KCNH5: variants seen among roughly 807,000 people sequenced by gnomAD.
KCNH5 encodes voltage-gated delayed rectifier potassium channel KCNH5.
KCNH5 carries 46 observed loss-of-function variants against 96.1 expected under a neutral mutation model. The observed-to-expected ratio is 0.48, with a 90% confidence interval of 0.38 to 0.61. The LOEUF (loss-of-function observed/expected upper bound fraction) is 0.61. KCNH5 is among the 20% of genes least tolerant of loss of function. The pLI, the probability that KCNH5 is intolerant of heterozygous loss-of-function variation, is 0.00. For synonymous variants in KCNH5, 439 were observed against 449.8 expected, an observed-to-expected ratio of 0.98 and a Z score of 0.30; for missense variants, 907 against 1,225.8, an observed-to-expected ratio of 0.74 and a Z score of 3.88.
At chr14:63,011,225 G>A (rs1266916136) in intron 2 of KCNH5, among the ~76,000 whole-genome samples, 1 of 152,180 alleles carries the variant, frequency 6.6e-6, no homozygotes, top group Non-Finnish European at 1.5e-5. Context: ...GCTCACGCCT[G>A]TAATCCCAGC....
intron 8 of KCNH5, among the ~76,000 whole-genome samples, chr14:62,823,708 C>T (rs538209350): frequency 6.6e-6 from 1 of 152,156 alleles, no homozygotes; most frequent in East Asian, 1.9e-4. Flanking sequence ...GATAACATCA[C>T]ATAATTCTGC....
intron 7 of KCNH5, among the ~76,000 whole-genome samples, chr14:62,939,341 A>G (rs1282798310): frequency 1.3e-5 from 2 of 152,184 alleles, no homozygotes; most frequent in African/African-American, 4.8e-5. Context: ...TGCTGACTGC[A>G]CCGTACACTT....
chr14:62,710,047 T>G (rs76728400), intron 10 of KCNH5, among the ~76,000 whole-genome samples: 8,098 of 152,274 alleles, frequency 0.053, 229 homozygotes, highest in South Asian at 0.091. Context: ...TCTCATAAAA[T>G]ACTCCTATCT....
At chr14:62,848,074 C>G (rs1178259889) in intron 8 of KCNH5, among the ~76,000 whole-genome samples, 1 of 152,234 alleles carries the variant, frequency 6.6e-6, no homozygotes, top group Non-Finnish European at 1.5e-5. Context: ...GGCTCAGACT[C>G]TTTTCAAATA....
chr14:62,854,006 A>G (rs1307631663), intron 7 of KCNH5, among the ~76,000 whole-genome samples: 3 of 134,060 alleles, frequency 2.2e-5, no homozygotes, highest in Non-Finnish European at 4.7e-5. Flanking sequence ...GACTCTGTCA[A>G]AAAAAAAAAA....
intron 8 of KCNH5, among the ~76,000 whole-genome samples, chr14:62,838,779 T>C (rs79521013): frequency 6.6e-6 from 1 of 152,120 alleles, no homozygotes; most frequent in Non-Finnish European, 1.5e-5. Flanking sequence ...TACAGCCCAG[T>C]GTCTGTATCA....
chr14:62,934,480 C>A (rs774324475), intron 7 of KCNH5, among the ~76,000 whole-genome samples: 1 of 152,122 alleles, frequency 6.6e-6, no homozygotes, highest in African/African-American at 2.4e-5. Context: ...TCTTCTGTAT[C>A]CAATGAACAA....
chr14:62,902,865 G>A (rs576464147), intron 7 of KCNH5, among the ~76,000 whole-genome samples: 8 of 151,660 alleles, frequency 5.3e-5, no homozygotes, highest in South Asian at 2.1e-4. Context: ...GATTACAGGC[G>A]GTGCCACCAC....
intron 8 of KCNH5, among the ~76,000 whole-genome samples, chr14:62,828,536 G>T (rs112656958): frequency 4.6e-5 from 7 of 152,210 alleles, no homozygotes; most frequent in East Asian, 1.9e-4. Context: ...TCACATGGTG[G>T]CAGGCAAGTA....
At chr14:62,750,974 G>A (rs187708391) in intron 10 of KCNH5, among the ~76,000 whole-genome samples, 6 of 151,646 alleles carry the variant, frequency 4.0e-5, no homozygotes, top group East Asian at 1.9e-4. Flanking sequence ...AAATCCAGAC[G>A]GCTGGAGTAA....
At position 62,927,987 on chromosome 14, in the gene KCNH5, C is replaced by T. The variant is rs375313269; in HGVS notation, c.1369+22146G>A. Among the ~76,000 whole-genome samples, 154 of 152,160 alleles carry T rather than the reference C, an allele frequency of 1.0e-3. 3 individuals are homozygous for T. Among genetic ancestry groups the T allele is most frequent in the South Asian group, 7.7e-3 (37 of 4,814 alleles). ...GTTCTAGCCCCATCAGATTTCATCC[C>T]GACACTGTGAAGAACGTGCCAGAGA... On this transcript the variant is annotated intron_variant, in intron 7 of 10. Coordinates refer to ENST00000322893, the MANE Select transcript of KCNH5 (RefSeq NM_139318.5).
intron 10 of KCNH5, among the ~76,000 whole-genome samples, chr14:62,724,700 A>G (rs11158450): frequency 0.032 from 4,899 of 152,310 alleles, 137 homozygotes; most frequent in South Asian, 0.083. Context: ...GTGCTTCTAA[A>G]CATTGCTGGC....
In KCNH5 at chr14:62,732,904, G is replaced by A. The variant is rs117569339; in HGVS notation, c.2020-24449C>T. The stretch of plus-strand genomic sequence containing the variant: ...CTCTTTCTGTCTCTCTCTCTTTCTC[G>A]TTGCCTCCCCTCCTCTCTTCTATTC... On this transcript the variant is annotated intron_variant, in intron 10 of 10. Transcript: ENST00000322893. Among the ~76,000 whole-genome samples, 597 of 151,408 alleles carry A rather than the reference G, an allele frequency of 3.9e-3. 6 individuals carry two copies. Among genetic ancestry groups the A allele is most frequent in the Non-Finnish European group, 5.2e-3 (356 of 67,832 alleles).
At chr14:62,735,890 T>A (rs1230737978) in intron 10 of KCNH5, among the ~76,000 whole-genome samples, 1 of 152,114 alleles carries the variant, frequency 6.6e-6, no homozygotes, top group African/African-American at 2.4e-5. Context: ...AGACACATAG[T>A]GGGGAAATAG....
intron 9 of KCNH5, among the ~76,000 whole-genome samples, chr14:62,787,420 GA>G (rs1278165838): frequency 6.6e-6 from 1 of 152,146 alleles, no homozygotes; most frequent in Admixed American, 6.5e-5. Flanking sequence ...TAAAGTTTAG[GA>G]AAAGGAACCA....
intron 7 of KCNH5, among the ~76,000 whole-genome samples, chr14:62,909,246 C>T (rs1051476392): frequency 1.3e-5 from 2 of 150,930 alleles, no homozygotes; most frequent in Non-Finnish European, 1.5e-5. Context: ...GGGGTTTCAC[C>T]GTTTTAGCCG....
intron 7 of KCNH5, among the ~76,000 whole-genome samples, chr14:62,876,655 CA>C: frequency 6.6e-6 from 1 of 152,210 alleles, no homozygotes; most frequent in East Asian, 1.9e-4. Flanking sequence ...AAATCCTGGA[CA>C]ATAAAATCCA....
intron 10 of KCNH5, among the ~76,000 whole-genome samples, chr14:62,739,832 A>T (rs576327277): frequency 6.0e-4 from 91 of 152,308 alleles, no homozygotes; most frequent in Non-Finnish European, 1.0e-3. Flanking sequence ...AGTTTGCTGC[A>T]TATCTCAAGG....
intron 9 of KCNH5, among the ~76,000 whole-genome samples, chr14:62,783,269 G>A (rs943035703): frequency 5.9e-5 from 9 of 152,136 alleles, no homozygotes; most frequent in Non-Finnish European, 1.3e-4. Flanking sequence ...CTGCGTTATG[G>A]AACAATGTAT....
Sources: allele counts gnomAD v4.1 joint callset (sites outside exome capture counted in the v4.1 genomes callset), GRCh38; gene constraint gnomAD v4.1.1; transcripts MANE v1.5; gene names NCBI Gene and HGNC (gene_info 2026-07-23, HGNC 2026-07-21).